Variants in SLC30A6 observed in about 807,000 individuals in gnomAD.
SLC30A6 encodes solute carrier family 30 member 6.
In SLC30A6, 55 loss-of-function variants were observed where a neutral mutation model predicts 63.0. The ratio of observed to expected loss-of-function variants is 0.87; its 90% confidence interval spans 0.70 to 1.09. The LOEUF (loss-of-function observed/expected upper bound fraction) is 1.09. SLC30A6 is among the 50% of genes least tolerant of loss of function. The pLI is 0.00. For missense variants in SLC30A6, 587 were observed against 549.2 expected, an observed-to-expected ratio of 1.07 and a Z score of -0.69; for synonymous variants, 224 against 186.1, an observed-to-expected ratio of 1.20 and a Z score of -1.66.
At chr2:32,177,072 C>T (rs1681817868) in intron 4 of SLC30A6, among the ~76,000 whole-genome samples, 1 of 152,078 alleles carries the variant, frequency 6.6e-6, no homozygotes, top group Non-Finnish European at 1.5e-5. Context: ...CACGCCTGAC[C>T]TACAATATTT....
chr2:32,203,000 G>A, intron 10 of SLC30A6: 2 of 1,147,178 alleles, frequency 1.7e-6, no homozygotes, highest in Non-Finnish European at 2.6e-6. Flanking sequence ...AGACCCAGAG[G>A]AGTGTAACTG....
At chr2:32,203,860 G>A (rs2148881139) in intron 10 of SLC30A6, 3 of 1,194,000 alleles carry the variant, frequency 2.5e-6, no homozygotes, top group Middle Eastern at 1.9e-4. Context: ...TGGCCAGTCG[G>A]GCCGATCAGG....
intron 8 of SLC30A6, among the ~76,000 whole-genome samples, chr2:32,196,381 G>A (rs769891664): frequency 1.3e-5 from 2 of 151,958 alleles, no homozygotes; most frequent in Non-Finnish European, 2.9e-5. Flanking sequence ...ATAATATTAA[G>A]TACTTTCTAT....
rs553719245 is a variant in SLC30A6 at position 32,217,754 on chromosome 2, G to C, written c.886-2459G>C. 4.0e-5 allele frequency among the ~76,000 whole-genome samples: 6 copies of C among 151,594 alleles called. No individual in the cohort carries two copies. In the South Asian group the frequency reaches 1.2e-3, roughly 32 times the overall value. On this transcript the variant is annotated intron_variant, in intron 13 of 13. Coordinates refer to ENST00000282587, the MANE Select transcript of SLC30A6 (RefSeq NM_017964.5). ...TGATTTCTTTGAGCAGTGTTTCATA[G>C]TTCTCCTTGTAGAGATCTTTCACCT...
Position 32,220,566 on chromosome 2 carries a change from C to T in SLC30A6, c.1239C>T (p.Leu413=). 1 of 1,614,176 alleles carries T rather than the reference C, an allele frequency of 6.2e-7. No individual in the cohort carries two copies. Among genetic ancestry groups the T allele is most frequent in the Middle Eastern group, 1.6e-4 (1 of 6,062 alleles). Residue 413 remains leucine (L), a synonymous_variant, in exon 14 of 14, where the codon CTC becomes CTT. Transcript: ENST00000282587. ...NTQTRPYGFG[L]NHGHTPYSSM... ...AAACAAGGCCTTATGGTTTTGGTCTCAATCATGGACACACACCTTACAGCA... is the reference window on the plus strand; with the variant it reads ...AAACAAGGCCTTATGGTTTTGGTCTTAATCATGGACACACACCTTACAGCA...
At chr2:32,203,082 G>C in intron 10 of SLC30A6, 2 of 1,307,274 alleles carry the variant, frequency 1.5e-6, no homozygotes, top group South Asian at 2.4e-5. Flanking sequence ...GTCACAAAGA[G>C]AATTTACACT....
intron 6 of SLC30A6, 49 bp downstream of exon 6, chr2:32,192,465 G>A (rs1683418218): frequency 6.7e-7 from 1 of 1,503,434 alleles, no homozygotes; most frequent in Non-Finnish European, 9.2e-7. Flanking sequence ...ACACCTTTGG[G>A]AACATGAAAG....
chr2:32,176,972 C>A (rs936561771), intron 4 of SLC30A6, among the ~76,000 whole-genome samples: 1 of 151,868 alleles, frequency 6.6e-6, no homozygotes, highest in African/African-American at 2.4e-5. Flanking sequence ...GGGGTGTCGC[C>A]ATGTTGGCCA....
intron 11 of SLC30A6, among the ~76,000 whole-genome samples, chr2:32,206,270 C>T (rs1475265584): frequency 1.3e-5 from 2 of 151,812 alleles, no homozygotes; most frequent in Non-Finnish European, 1.5e-5. Context: ...CACGGTGAAA[C>T]CCCATCTCTA....
At chr2:32,170,137 T>C (rs914605955) in intron 1 of SLC30A6, among the ~76,000 whole-genome samples, 1 of 152,204 alleles carries the variant, frequency 6.6e-6, no homozygotes, top group African/African-American at 2.4e-5. Context: ...CTTCTTGGGT[T>C]TTATGCCCTA....
chr2:32,191,521 G>C (rs909660989), intron 5 of SLC30A6, among the ~76,000 whole-genome samples: 1 of 152,080 alleles, frequency 6.6e-6, no homozygotes, highest in Non-Finnish European at 1.5e-5. Flanking sequence ...TAAAACAACA[G>C]TTCCTGGCCT....
At chr2:32,166,031 T>A in intron 1 of SLC30A6, 128 bp downstream of exon 1, 1 of 1,367,490 alleles carries the variant, frequency 7.3e-7, no homozygotes, top group Non-Finnish European at 1.0e-6. Flanking sequence ...TCGGGCCCCT[T>A]GGCAGGAGCG....
intron 12 of SLC30A6, among the ~76,000 whole-genome samples, chr2:32,208,194 G>A (rs1268634979): frequency 3.3e-5 from 5 of 150,176 alleles, no homozygotes; most frequent in Middle Eastern, 3.3e-3. Context: ...GCAGTGGCAT[G>A]ATCTTGGTTC....
chr2:32,218,382 TATC>T (rs1685885312), intron 13 of SLC30A6, among the ~76,000 whole-genome samples: 1 of 152,254 alleles, frequency 6.6e-6, no homozygotes, highest in Admixed American at 6.5e-5. Context: ...GAAGCCTTGA[TATC>T]ATCTTTGATG....
Position 32,203,780 on chromosome 2 carries a change from T to C in SLC30A6, c.666-810T>C, listed in dbSNP as rs571708846. 1.3e-5 allele frequency: 20 copies of C among 1,494,194 alleles called. No individual in the cohort carries two copies. The South Asian group carries it at 2.3e-4, about 17-fold the overall frequency. The allele number at this position is 1,494,194 out of a possible 1,614,324, so 92.6% of individuals were successfully genotyped here. A position where few individuals can be genotyped will look rare whatever the true frequency, so the allele number is the denominator to read the frequency against. ...TGGATATTCTCAGTGCCAGCCAAAT[T>C]ACCTGAAATTGAAGAATATTATGAT... On this transcript the variant is annotated intron_variant, in intron 10 of 13. Coordinates refer to ENST00000282587, the MANE Select transcript of SLC30A6 (RefSeq NM_017964.5).
At chr2:32,199,592 A>G (rs1684088182) in intron 10 of SLC30A6, among the ~76,000 whole-genome samples, 1 of 152,124 alleles carries the variant, frequency 6.6e-6, no homozygotes, top group Non-Finnish European at 1.5e-5. Context: ...AAAATGTACA[A>G]TAAATTATTG....
chr2:32,207,463 G>A (rs1009756010), intron 12 of SLC30A6, among the ~76,000 whole-genome samples: 37 of 151,540 alleles, frequency 2.4e-4, no homozygotes, highest in African/African-American at 7.7e-4. Context: ...TGCAACCTCC[G>A]TCTCCCAGGT....
chr2:32,176,503 C>T (rs1681755339), intron 4 of SLC30A6, among the ~76,000 whole-genome samples: 2 of 151,510 alleles, frequency 1.3e-5, no homozygotes, highest in South Asian at 4.2e-4. Flanking sequence ...CTAAAAATAA[C>T]AAAAATTAGC....
intron 12 of SLC30A6, among the ~76,000 whole-genome samples, chr2:32,208,180 G>A (rs1684947558): frequency 6.6e-6 from 1 of 150,804 alleles, no homozygotes; most frequent in African/African-American, 2.4e-5. Flanking sequence ...ACCCAGGCTG[G>A]GGTGCAGTGG....
Sources: gnomAD v4.1 joint callset for allele counts (sites outside exome capture counted in the v4.1 genomes callset) on GRCh38, gnomAD v4.1.1 for gene constraint, MANE v1.5 for transcripts, NCBI Gene and HGNC (gene_info 2026-07-23, HGNC 2026-07-21) for gene names.